LOXL2: variants seen among roughly 807,000 people sequenced by gnomAD.
The protein encoded by LOXL2 is lysyl oxidase homolog 2.
A neutral mutation model predicts 93.0 loss-of-function variants in LOXL2; 70 were observed. The ratio of observed to expected loss-of-function variants is 0.75; its 90% CI spans 0.62 to 0.92. The LOEUF (loss-of-function observed/expected upper bound fraction) is 0.92, where lower values mean the gene tolerates loss of function less well. Among genes scored for constraint, LOXL2 ranks in the 40% least tolerant of loss-of-function variants. LOXL2 has a pLI of 0.00. For synonymous variants in LOXL2, 438 were observed against 413.2 expected (o/e 1.06, Z -0.73); for missense variants, 973 against 1,054.9 (o/e 0.92, Z 1.08).
intron 4 of LOXL2, among the ~76,000 whole-genome samples, chr8:23,337,827 G>A (rs1039213249): frequency 2.6e-5 from 4 of 152,102 alleles, no homozygotes; most frequent in Admixed American, 1.3e-4. Context: ...TCAGTGCCAC[G>A]GCCACACCAA....
chr8:23,320,094 G>C (rs1382187346), intron 7 of LOXL2, 42 bp from the exon 8 acceptor site: 4 of 1,605,314 alleles, frequency 2.5e-6, no homozygotes, highest in Non-Finnish European at 2.6e-6. Context: ...AGAGGGACAA[G>C]GGAGCTTCCC....
At chr8:23,308,764 G>A (rs182976653) in intron 10 of LOXL2, among the ~76,000 whole-genome samples, 8 of 152,256 alleles carry the variant, frequency 5.3e-5, no homozygotes, top group African/African-American at 1.9e-4. Flanking sequence ...TCTGGGATTT[G>A]CAGCGCTGGG....
intron 4 of LOXL2, 66 bp from the exon 5 acceptor site, chr8:23,333,689 C>G (rs971816328): frequency 7.7e-7 from 1 of 1,301,222 alleles, no homozygotes; most frequent in Admixed American, 1.9e-5. Flanking sequence ...CCTTCTGCAA[C>G]GAGGCAGAAC....
intron 3 of LOXL2, among the ~76,000 whole-genome samples, chr8:23,358,511 C>G (rs1163596576): frequency 6.6e-6 from 1 of 152,218 alleles, no homozygotes; most frequent in African/African-American, 2.4e-5. Flanking sequence ...AGCGAAGGTT[C>G]CTTGGTCTGG....
intron 5 of LOXL2, among the ~76,000 whole-genome samples, chr8:23,332,659 ACCCCCC>A (rs544583776): frequency 3.2e-5 from 1 of 30,840 alleles, no homozygotes; most frequent in African/African-American, 1.8e-4. Flanking sequence ...ACGCTCATAC[ACCCCCC>A]CACACTCATA....
intron 3 of LOXL2, among the ~76,000 whole-genome samples, chr8:23,350,191 T>G (rs1804068801): frequency 6.6e-6 from 1 of 152,202 alleles, no homozygotes; most frequent in South Asian, 2.1e-4. Context: ...GTGTGTATTA[T>G]CTGCACACAG....
chr8:23,397,835 C>A (rs778878402), intron 1 of LOXL2, among the ~76,000 whole-genome samples: 13 of 149,428 alleles, frequency 8.7e-5, no homozygotes, highest in Non-Finnish European at 1.3e-4. Flanking sequence ...GTGGTGCATG[C>A]CTGTAATCCC....
rs1253628020 is a variant in LOXL2 at position 23,339,251 on chromosome 8, C to T, written c.743+1741G>A. The stretch of plus-strand genomic sequence containing the variant: ...TGCTAGGAAGGCAGCCCCACCTCTC[C>T]AGCTAGAAGGCTGCAGGAGGGGCTG... On this transcript the variant is annotated intron_variant, in intron 4 of 13. Transcript: ENST00000389131. Among the ~76,000 whole-genome samples the T allele has an allele frequency of 3.3e-5, 5 of 152,224 alleles. No homozygotes were observed. The East Asian group carries it at 9.6e-4, about 29-fold the overall frequency.
chr8:23,299,172 T>C (rs1450839334), intron 12 of LOXL2, among the ~76,000 whole-genome samples: 2 of 152,162 alleles, frequency 1.3e-5, no homozygotes, highest in Non-Finnish European at 2.9e-5. Flanking sequence ...CCTCTGTCCA[T>C]ATCCGTGTAA....
intron 6 of LOXL2, among the ~76,000 whole-genome samples, chr8:23,325,537 C>T (rs1803564592): frequency 6.6e-6 from 1 of 152,200 alleles, no homozygotes; most frequent in African/African-American, 2.4e-5. Context: ...AGTGATCCTC[C>T]TGCCTCTGCT....
intron 1 of LOXL2, among the ~76,000 whole-genome samples, chr8:23,379,040 C>T (rs915917104): frequency 3.3e-5 from 5 of 152,132 alleles, no homozygotes; most frequent in South Asian, 4.1e-4. Context: ...CTTTTCTGCT[C>T]TGTTTTTTCC....
At chr8:23,385,791 A>G in intron 1 of LOXL2, 2 of 591,222 alleles carry the variant, frequency 3.4e-6, no homozygotes, top group Non-Finnish European at 3.0e-6. Context: ...AATCAATGTT[A>G]AAGATATATT....
At chr8:23,401,967 C>CA (rs1246685314) in intron 1 of LOXL2, among the ~76,000 whole-genome samples, 1 of 152,242 alleles carries the variant, frequency 6.6e-6, no homozygotes, top group Non-Finnish European at 1.5e-5. Context: ...CTTTCTAACA[C>CA]AAAGTTACAG....
rs1200563958 is a variant in LOXL2, at chr8:23,297,550, G to A, written c.*493C>T. The A allele has an allele frequency of 1.3e-5, 2 of 155,172 alleles. No individual in the cohort carries two copies. The highest frequency in any genetic ancestry group is 2.9e-5 in the Non-Finnish European group (2 of 70,008). 9.6% of individuals were successfully genotyped at this position (155,172 alleles called of 1,614,324 possible). Reference sequence around the variant, plus strand: ...ATTATCTATGTGACTATAATAGACTGGAGGGTTTCATTGGAAGAGAGGTCT... The same window carrying A: ...ATTATCTATGTGACTATAATAGACTAGAGGGTTTCATTGGAAGAGAGGTCT... On this transcript the variant is annotated 3_prime_UTR_variant, in exon 14 of 14. Coordinates refer to ENST00000389131, the MANE Select transcript of LOXL2 (RefSeq NM_002318.3).
At chr8:23,361,796 C>T (rs916975867) in intron 2 of LOXL2, among the ~76,000 whole-genome samples, 1 of 152,102 alleles carries the variant, frequency 6.6e-6, no homozygotes, top group Non-Finnish European at 1.5e-5. Flanking sequence ...GCTGAGATCA[C>T]ACCACTGCAC....
chr8:23,359,004 G>C (rs1293655399), intron 3 of LOXL2, among the ~76,000 whole-genome samples: 5 of 152,022 alleles, frequency 3.3e-5, no homozygotes, highest in Admixed American at 3.3e-4. Flanking sequence ...ACAACGTCTG[G>C]CTATTTTTTT....
At chr8:23,402,001 CA>C (rs1800156647) in intron 1 of LOXL2, among the ~76,000 whole-genome samples, 1 of 149,810 alleles carries the variant, frequency 6.7e-6, no homozygotes, top group African/African-American at 2.6e-5. Context: ...CATGCATGCA[CA>C]AACACACATA....
chr8:23,387,309 GGGT>G (rs1804779566), intron 1 of LOXL2, among the ~76,000 whole-genome samples: 1 of 152,190 alleles, frequency 6.6e-6, no homozygotes, highest in South Asian at 2.1e-4. Flanking sequence ...TGTCCTCGGG[GGGT>G]ATCAGAGAGA....
At chr8:23,371,821 T>C (rs60583128) in intron 1 of LOXL2, among the ~76,000 whole-genome samples, 37,925 of 144,656 alleles carry the variant, frequency 0.26, 5,157 homozygotes, top group African/African-American at 0.37. Flanking sequence ...CAGGAAGGCA[T>C]TAAATGGAGC....
Sources: gnomAD v4.1 joint callset for allele counts (sites outside exome capture counted in the v4.1 genomes callset) on GRCh38, gnomAD v4.1.1 for gene constraint, MANE v1.5 for transcripts, NCBI Gene and HGNC (gene_info 2026-07-23, HGNC 2026-07-21) for gene names.